Variants in EBF1 observed in about 807,000 individuals in gnomAD.
The protein encoded by EBF1 is transcription factor COE1.
A neutral mutation model predicts 68.4 loss-of-function variants in EBF1; 10 were observed. The ratio of observed to expected loss-of-function variants is 0.15; its 90% CI spans 0.09 to 0.25. The LOEUF is 0.25. Ranked by LOEUF, EBF1 falls within the 10% of genes least tolerant of loss-of-function variation. EBF1 has a pLI of 1.00. For synonymous variants in EBF1, 298 were observed against 299.8 expected (o/e 0.99, Z 0.06); for missense variants, 509 against 794.4 (o/e 0.64, Z 4.32).
intron 6 of EBF1, among the ~76,000 whole-genome samples, chr5:158,970,993 CA>C (rs1296391169): frequency 1.3e-5 from 2 of 152,224 alleles, no homozygotes; most frequent in East Asian, 3.9e-4. Context: ...CAAGACTGGT[CA>C]AAGCACTAGA....
chr5:158,878,592 C>A (rs551969195), intron 6 of EBF1, among the ~76,000 whole-genome samples: 1 of 151,318 alleles, frequency 6.6e-6, no homozygotes, highest in Non-Finnish European at 1.5e-5. Context: ...GACACTCAGA[C>A]GAGTAATTTG....
intron 6 of EBF1, among the ~76,000 whole-genome samples, chr5:159,032,566 T>C (rs1769140661): frequency 6.6e-6 from 1 of 152,220 alleles, no homozygotes; most frequent in African/African-American, 2.4e-5. Context: ...TTCTTAAACA[T>C]AGGCAAATCC....
At chr5:159,047,217 G>A (rs1188205482) in intron 6 of EBF1, among the ~76,000 whole-genome samples, 1 of 152,202 alleles carries the variant, frequency 6.6e-6, no homozygotes, top group African/African-American at 2.4e-5. Flanking sequence ...TCTGACGGAT[G>A]AATTGAGCTT....
Position 159,043,874 on chromosome 5 carries a change from T to C in EBF1, c.554+29522A>G, listed in dbSNP as rs530504162. 3.3e-5 allele frequency among the ~76,000 whole-genome samples: 5 copies of C among 152,308 alleles called. No individual in the cohort carries two copies. In the South Asian group the frequency reaches 1.0e-3, roughly 32 times the overall value. On this transcript the variant is annotated intron_variant, in intron 6 of 15. Transcript: ENST00000313708. ...CAGAAAAAGGTGATGTGATTTATTC[T>C]GCATTCTATCATTCTGAATCTTCTA...
chr5:158,905,316 AT>A (rs898458274), intron 6 of EBF1, among the ~76,000 whole-genome samples: 41 of 152,126 alleles, frequency 2.7e-4, no homozygotes, highest in South Asian at 4.2e-4. Flanking sequence ...ATGTGAATGT[AT>A]TTTTTTTAAG....
chr5:158,875,686 T>A (rs1007770283), intron 6 of EBF1, among the ~76,000 whole-genome samples: 3 of 152,212 alleles, frequency 2.0e-5, no homozygotes, highest in African/African-American at 7.2e-5. Context: ...ATTATATGAA[T>A]TCACGTCTTG....
At chr5:159,032,100 C>T (rs1422597573) in intron 6 of EBF1, among the ~76,000 whole-genome samples, 1 of 151,818 alleles carries the variant, frequency 6.6e-6, no homozygotes, top group Non-Finnish European at 1.5e-5. Context: ...TCAAAATGTC[C>T]AGTCAATATC....
chr5:158,886,795 T>A (rs2128101083), intron 6 of EBF1, among the ~76,000 whole-genome samples: 1 of 152,356 alleles, frequency 6.6e-6, no homozygotes, highest in South Asian at 2.1e-4. Context: ...GCAGACCACC[T>A]GAGGTCAGGA....
intron 8 of EBF1, among the ~76,000 whole-genome samples, chr5:158,804,518 G>A (rs749074034): frequency 3.9e-5 from 6 of 152,088 alleles, no homozygotes; most frequent in Non-Finnish European, 8.8e-5. Context: ...CGGAGATCTG[G>A]AACTGTGTGC....
rs2127487954 is a variant in EBF1 at position 158,712,180 on chromosome 5, C to T, written c.1523G>A (p.Gly508Asp). 6.2e-7 allele frequency: 1 copy of T among 1,613,752 alleles called. No homozygotes were observed. The highest frequency in any genetic ancestry group is 8.5e-7 in the Non-Finnish European group (1 of 1,179,880). ...NLGGSPTFLNGSAANSPYAIV... is the reference protein window; with the variant it reads ...NLGGSPTFLNDSAANSPYAIV... The stretch of plus-strand genomic sequence containing the variant: ...GGCATAGGGGGAGTTGGCAGCTGAG[C>T]CGTTGAGGAAGGTGGGGGAGCCGCC... The change falls in exon 14 of 16, where the codon GGC (glycine) becomes GAC (aspartate). Residue 508 changes from glycine (G) to aspartate (D), a missense_variant. By Grantham distance (94) the Gly-to-Asp change is moderately conservative. Around this residue, in one of 3 missense-constraint regions of EBF1, gnomAD observed 205 missense variants for 247.4 expected, o/e 0.83. Coordinates refer to ENST00000313708, the MANE Select transcript of EBF1 (RefSeq NM_024007.5).
At chr5:158,876,380 T>C (rs1212309163) in intron 6 of EBF1, among the ~76,000 whole-genome samples, 1 of 152,170 alleles carries the variant, frequency 6.6e-6, no homozygotes, top group Non-Finnish European at 1.5e-5. Flanking sequence ...CCCTCTAGTG[T>C]ACTCTTCAGG....
At chr5:158,848,397 C>G (rs1377318216) in intron 6 of EBF1, among the ~76,000 whole-genome samples, 1 of 152,220 alleles carries the variant, frequency 6.6e-6, no homozygotes, top group Non-Finnish European at 1.5e-5. Context: ...AATGCCAACA[C>G]TTTCACTAGA....
intron 6 of EBF1, among the ~76,000 whole-genome samples, chr5:158,878,026 C>T (rs960730372): frequency 6.6e-6 from 1 of 151,682 alleles, no homozygotes; most frequent in Non-Finnish European, 1.5e-5. Context: ...CAGGTGCTCA[C>T]GTCCAAAGAA....
intron 7 of EBF1, among the ~76,000 whole-genome samples, chr5:158,834,610 A>G (rs1333876117): frequency 1.3e-5 from 2 of 151,422 alleles, no homozygotes; most frequent in Non-Finnish European, 2.9e-5. Flanking sequence ...AATTTCTTGA[A>G]AACACTAAGG....
chr5:158,937,272 A>C (rs1159079641), intron 6 of EBF1, among the ~76,000 whole-genome samples: 1 of 152,154 alleles, frequency 6.6e-6, no homozygotes, highest in Non-Finnish European at 1.5e-5. Flanking sequence ...AGCATCATTG[A>C]GAAGGTCTTC....
intron 6 of EBF1, among the ~76,000 whole-genome samples, chr5:159,058,252 AG>A (rs1160703906): frequency 3.9e-5 from 6 of 152,224 alleles, no homozygotes; most frequent in Non-Finnish European, 7.3e-5. Context: ...AGGGGGATGT[AG>A]GAGGGAGAAT....
chr5:158,815,519 T>TA (rs1160210243), intron 8 of EBF1, among the ~76,000 whole-genome samples: 1 of 152,098 alleles, frequency 6.6e-6, no homozygotes, highest in Non-Finnish European at 1.5e-5. Context: ...GCTAATAGTT[T>TA]AAAAAAACAA....
chr5:158,777,642 C>T, intron 9 of EBF1, 103 bp from the exon 10 acceptor site: 1 of 1,227,448 alleles, frequency 8.1e-7, no homozygotes, highest in Non-Finnish European at 1.1e-6. Flanking sequence ...ACATAATTAA[C>T]CTGTCTATGT....
At chr5:158,892,868 G>A (rs1018503522) in intron 6 of EBF1, among the ~76,000 whole-genome samples, 1 of 151,914 alleles carries the variant, frequency 6.6e-6, no homozygotes, top group African/African-American at 2.4e-5. Flanking sequence ...TAATGATTTT[G>A]CTCACTCAGC....
Sources: gnomAD v4.1 joint callset for allele counts (sites outside exome capture counted in the v4.1 genomes callset) on GRCh38, gnomAD v4.1.1 for gene constraint, gnomAD v4.1.1 regional missense constraint, MANE v1.5 for transcripts, NCBI Gene and HGNC (gene_info 2026-07-23, HGNC 2026-07-21) for gene names.